Variants in SPOCK3 observed in about 807,000 individuals in gnomAD.
The protein encoded by SPOCK3 is testican-3.
Under a neutral mutation model 56.6 loss-of-function variants are expected in SPOCK3, and 30 were observed. The observed-to-expected ratio is 0.53, with a 90% CI of 0.40 to 0.72. The LOEUF (loss-of-function observed/expected upper bound fraction) is 0.72, where lower values mean the gene tolerates loss of function less well. Ranked by LOEUF, SPOCK3 falls within the 30% of genes least tolerant of loss-of-function variation. The pLI is 0.00. For missense variants in SPOCK3, 527 were observed against 530.0 expected, an observed-to-expected ratio of 0.99 and a Z score of 0.06; for synonymous variants, 196 against 183.3, an observed-to-expected ratio of 1.07 and a Z score of -0.56.
chr4:166,982,201 C>A (rs1006132308), intron 4 of SPOCK3, among the ~76,000 whole-genome samples: 6 of 152,188 alleles, frequency 3.9e-5, no homozygotes, highest in African/African-American at 1.2e-4. Context: ...CTGTTGCAGC[C>A]AGTGTCTTCA....
intron 8 of SPOCK3, among the ~76,000 whole-genome samples, chr4:166,749,823 C>T (rs900746309): frequency 6.6e-6 from 1 of 151,876 alleles, no homozygotes; most frequent in African/African-American, 2.4e-5. Context: ...GTTTTTTATA[C>T]AGACATTTAA....
At chr4:166,945,344 A>G (rs1282241967) in intron 4 of SPOCK3, among the ~76,000 whole-genome samples, 1 of 152,214 alleles carries the variant, frequency 6.6e-6, no homozygotes, top group Admixed American at 6.5e-5. Flanking sequence ...TTATAACTAT[A>G]GGTTTTCAAA....
At chr4:167,160,456 G>T (rs920093740) in intron 2 of SPOCK3, among the ~76,000 whole-genome samples, 4 of 152,086 alleles carry the variant, frequency 2.6e-5, no homozygotes, top group Admixed American at 6.6e-5. Context: ...CGTGAAGATG[G>T]CCATACTGCC....
chr4:166,872,012 CTCTA>C (rs1732532517), intron 6 of SPOCK3, among the ~76,000 whole-genome samples: 1 of 149,220 alleles, frequency 6.7e-6, no homozygotes. Flanking sequence ...GAAAAACTTT[CTCTA>C]TCTAATAAAG....
At chr4:166,742,922 T>C (rs956217365) in intron 8 of SPOCK3, among the ~76,000 whole-genome samples, 26 of 152,204 alleles carry the variant, frequency 1.7e-4, no homozygotes, top group African/African-American at 4.3e-4. Context: ...CAACCGCTAA[T>C]TGAAAATTTT....
chr4:167,135,124 T>A (rs913927304), intron 2 of SPOCK3, among the ~76,000 whole-genome samples: 2 of 150,364 alleles, frequency 1.3e-5, no homozygotes, highest in African/African-American at 4.9e-5. Flanking sequence ...ACATCAATAA[T>A]TACATATTTA....
rs76330300 is a variant in SPOCK3 at position 167,197,447 on chromosome 4, A to T, written c.189+36538T>A. Among the ~76,000 whole-genome samples the T allele has an allele frequency of 8.6e-3, 1,305 of 152,280 alleles. 15 individuals carry two copies. Among genetic ancestry groups the T allele is most frequent in the African/African-American group, 0.025 (1,051 of 41,552 alleles). The stretch of plus-strand genomic sequence containing the variant: ...ACGTGAAATTTAGGCTATTACTTAT[A>T]AGGTAGATGAAATTAGAACAAAAGT... On this transcript the variant is annotated intron_variant, in intron 2 of 10. Transcript: ENST00000357545.
chr4:166,845,076 T>C (rs1747915412), intron 6 of SPOCK3, among the ~76,000 whole-genome samples: 1 of 152,240 alleles, frequency 6.6e-6, no homozygotes, highest in Admixed American at 6.5e-5. Flanking sequence ...TTTGCTATAA[T>C]CTAAAATAAT....
At chr4:167,000,494 A>C (rs778379282) in intron 3 of SPOCK3, 31 bp from the exon 4 acceptor site, 1 of 1,120,848 alleles carries the variant, frequency 8.9e-7, no homozygotes, top group Non-Finnish European at 1.3e-6. Flanking sequence ...ATATTAAAAT[A>C]AGCTTCTGTA....
chr4:166,737,750 T>C, intron 9 of SPOCK3, 146 bp from the exon 10 acceptor site: 4 of 846,336 alleles, frequency 4.7e-6, no homozygotes, highest in Non-Finnish European at 6.9e-6. Context: ...TAGATACCAG[T>C]GATGCCTTAG....
intron 6 of SPOCK3, among the ~76,000 whole-genome samples, chr4:166,830,873 G>C (rs1392613000): frequency 6.6e-6 from 1 of 152,124 alleles, no homozygotes; most frequent in South Asian, 2.1e-4. Context: ...CCTCAAGGAA[G>C]AAACTATTTA....
chr4:166,787,850 T>C (rs1224623471), intron 7 of SPOCK3, among the ~76,000 whole-genome samples: 2 of 152,178 alleles, frequency 1.3e-5, no homozygotes, highest in African/African-American at 2.4e-5. Flanking sequence ...CTGATGCAAT[T>C]GTTAGCATTA....
chr4:166,870,837 G>A (rs922970672), intron 6 of SPOCK3, among the ~76,000 whole-genome samples: 1 of 152,076 alleles, frequency 6.6e-6, no homozygotes, highest in African/African-American at 2.4e-5. Flanking sequence ...TCGAGGGAGG[G>A]ATGTGGTGGG....
chr4:166,882,264 A>G (rs532647619), intron 6 of SPOCK3, among the ~76,000 whole-genome samples: 1 of 152,250 alleles, frequency 6.6e-6, no homozygotes, highest in East Asian at 1.9e-4. Flanking sequence ...CAAGAAATGT[A>G]TTCATCTTAA....
chr4:166,943,310 A>G (rs1038396923), intron 4 of SPOCK3, among the ~76,000 whole-genome samples: 2 of 152,242 alleles, frequency 1.3e-5, no homozygotes, highest in African/African-American at 4.8e-5. Flanking sequence ...GCTACTGGTC[A>G]TAGGCATTTC....
chr4:166,962,173 A>C (rs895168508), intron 4 of SPOCK3, among the ~76,000 whole-genome samples: 1 of 152,142 alleles, frequency 6.6e-6, no homozygotes, highest in African/African-American at 2.4e-5. Flanking sequence ...GAAATTTAAC[A>C]TATCATAAGG....
intron 3 of SPOCK3, among the ~76,000 whole-genome samples, chr4:167,039,325 C>A (rs1400759201): frequency 6.6e-6 from 1 of 152,174 alleles, no homozygotes; most frequent in Non-Finnish European, 1.5e-5. Context: ...AGGTCACGTT[C>A]ATAAGCACAG....
At chr4:166,997,393 T>A (rs1384092336) in intron 4 of SPOCK3, among the ~76,000 whole-genome samples, 1 of 152,170 alleles carries the variant, frequency 6.6e-6, no homozygotes, top group Non-Finnish European at 1.5e-5. Context: ...ATTCTGCCAT[T>A]AAAACATACT....
chr4:167,039,901 C>G (rs1007796134), intron 3 of SPOCK3, among the ~76,000 whole-genome samples: 16 of 152,204 alleles, frequency 1.1e-4, no homozygotes, highest in African/African-American at 3.6e-4. Context: ...CACCTCTCCT[C>G]TTCCTCTACC....
Sources: gnomAD v4.1 joint callset for allele counts (sites outside exome capture counted in the v4.1 genomes callset) on GRCh38, gnomAD v4.1.1 for gene constraint, MANE v1.5 for transcripts, NCBI Gene and HGNC (gene_info 2026-07-23, HGNC 2026-07-21) for gene names.